Variants in CACNA2D2 observed in about 807,000 individuals in gnomAD.
CACNA2D2 encodes the protein calcium voltage-gated channel auxiliary subunit alpha2delta 2.
In CACNA2D2, 48 loss-of-function variants were observed where a neutral mutation model predicts 166.4. That is an observed-to-expected ratio of 0.29 (90% CI 0.23 to 0.37). The LOEUF (loss-of-function observed/expected upper bound fraction) is 0.37. CACNA2D2 is among the 10% of genes least tolerant of loss of function. CACNA2D2 has a pLI of 1.00. For synonymous variants in CACNA2D2, 561 were observed against 573.7 expected, an observed-to-expected ratio of 0.98 and a Z score of 0.32; for missense variants, 1,122 against 1,433.0, an observed-to-expected ratio of 0.78 and a Z score of 3.50.
At chr3:50,487,294 C>T (rs1468455422) in intron 1 of CACNA2D2, among the ~76,000 whole-genome samples, 1 of 152,212 alleles carries the variant, frequency 6.6e-6, no homozygotes, top group Non-Finnish European at 1.5e-5. Flanking sequence ...CAGGAACTCA[C>T]TGCCTCCACA....
intron 1 of CACNA2D2, among the ~76,000 whole-genome samples, chr3:50,488,952 A>T (rs1296140832): frequency 6.6e-6 from 1 of 152,064 alleles, no homozygotes; most frequent in Non-Finnish European, 1.5e-5. Context: ...CGCCCACCTC[A>T]GCCTCCCAAA....
intron 22 of CACNA2D2, 134 bp from the exon 23 acceptor site, chr3:50,370,514 C>G: frequency 1.5e-6 from 1 of 651,038 alleles, no homozygotes; most frequent in Non-Finnish European, 2.8e-6. Flanking sequence ...AGAGGAAACC[C>G]GCCATTTCCA....
intron 3 of CACNA2D2, among the ~76,000 whole-genome samples, chr3:50,409,658 T>G (rs1042900086): frequency 1.1e-4 from 17 of 152,200 alleles, no homozygotes; most frequent in Non-Finnish European, 2.5e-4. Context: ...AGGTGGTTCC[T>G]CAGCTTATCT....
chr3:50,447,996 T>G (rs1467661373), intron 2 of CACNA2D2, among the ~76,000 whole-genome samples: 1 of 152,184 alleles, frequency 6.6e-6, no homozygotes. Context: ...ACCTGGCCTC[T>G]GGACTACCCG....
intron 3 of CACNA2D2, among the ~76,000 whole-genome samples, chr3:50,415,144 G>A (rs748721524): frequency 2.0e-5 from 3 of 152,162 alleles, no homozygotes; most frequent in Non-Finnish European, 2.9e-5. Flanking sequence ...GGACACTGAC[G>A]GCCAATGAAA....
At chr3:50,469,983 C>T (rs1302954885) in intron 2 of CACNA2D2, among the ~76,000 whole-genome samples, 7 of 152,232 alleles carry the variant, frequency 4.6e-5, no homozygotes, top group African/African-American at 1.7e-4. Flanking sequence ...ATGACTGCAC[C>T]ACCAGCTGGT....
chr3:50,491,369 A>C (rs1002830030), intron 1 of CACNA2D2, among the ~76,000 whole-genome samples: 1 of 152,256 alleles, frequency 6.6e-6, no homozygotes, highest in East Asian at 1.9e-4. Flanking sequence ...GCGGGTTAGG[A>C]GGAGACTGGA....
intron 1 of CACNA2D2, among the ~76,000 whole-genome samples, chr3:50,499,172 A>T (rs903776180): frequency 6.6e-6 from 1 of 152,254 alleles, no homozygotes; most frequent in Non-Finnish European, 1.5e-5. Flanking sequence ...AGAGTGGCAC[A>T]GCCCAGAGCT....
At chr3:50,491,306 G>C (rs1026973558) in intron 1 of CACNA2D2, among the ~76,000 whole-genome samples, 1 of 152,222 alleles carries the variant, frequency 6.6e-6, no homozygotes, top group African/African-American at 2.4e-5. Flanking sequence ...AGGACACTGA[G>C]GCTCGGAGGA....
intron 2 of CACNA2D2, among the ~76,000 whole-genome samples, chr3:50,441,095 G>C (rs1708571541): frequency 6.6e-6 from 1 of 152,058 alleles, no homozygotes; most frequent in Admixed American, 6.5e-5. Context: ...TGAGGGCAAG[G>C]GGAGCAGATA....
At chr3:50,401,762 G>A (rs1350561324) in intron 3 of CACNA2D2, among the ~76,000 whole-genome samples, 1 of 151,890 alleles carries the variant, frequency 6.6e-6, no homozygotes, top group East Asian at 1.9e-4. Context: ...AGGCTGGAGT[G>A]CAGTGGTGCG....
Position 50,364,496 on chromosome 3 carries a change from G to T in CACNA2D2, c.*170C>A. ...GGGTGCCAAACACCTGCGGCGTCCC[G>T]CTTTGGGACTCCCCATCCCAAGGCG... On this transcript the variant is annotated 3_prime_UTR_variant, in exon 38 of 38. Transcript: ENST00000424201. 1 of 781,118 alleles carries T rather than the reference G, an allele frequency of 1.3e-6. No homozygotes were observed. The highest frequency in any genetic ancestry group is 2.0e-6 in the Non-Finnish European group (1 of 507,236). The allele number at this position is 781,118 out of a possible 1,614,324, so 48.4% of individuals were successfully genotyped here. A position where few individuals can be genotyped will look rare whatever the true frequency, so the allele number is the denominator to read the frequency against.
intron 5 of CACNA2D2, 100 bp downstream of exon 5, chr3:50,387,468 G>C (rs777229214): frequency 1.4e-5 from 14 of 997,078 alleles, no homozygotes; most frequent in Admixed American, 1.3e-4. Context: ...GGCTCTGCAG[G>C]GTTGAGCTCA....
At chr3:50,464,439 C>T (rs1709733508) in intron 2 of CACNA2D2, among the ~76,000 whole-genome samples, 1 of 152,176 alleles carries the variant, frequency 6.6e-6, no homozygotes. Flanking sequence ...GGCATGTGTC[C>T]TACCCCAGGA....
intron 3 of CACNA2D2, among the ~76,000 whole-genome samples, chr3:50,423,228 A>C (rs1325563850): frequency 1.3e-5 from 2 of 152,132 alleles, no homozygotes; most frequent in East Asian, 3.9e-4. Context: ...ACCCTGCCTC[A>C]CTGGCTATCT....
chr3:50,501,856 T>C (rs1017163535), intron 1 of CACNA2D2, among the ~76,000 whole-genome samples: 13 of 152,106 alleles, frequency 8.5e-5, no homozygotes, highest in Non-Finnish European at 1.3e-4. Context: ...TGAACTTCCA[T>C]TCGATTCTTT....
Position 50,365,491 on chromosome 3 carries a change from G to A in CACNA2D2, c.2972-9C>T, listed in dbSNP as rs1304811376. On this transcript the variant is annotated splice_polypyrimidine_tract_variant and intron_variant, in intron 34 of 37. Transcript: ENST00000424201. The surrounding 1 kb of genome is among the most constrained non-coding windows in gnomAD (Gnocchi z 4.5). ...CTCGGCCTCCGCGGGGTCTGCGAGG[G>A]CCCAGAGCGCCTCAGCTCCGCCCAC... 3.1e-6 allele frequency: 5 copies of A among 1,612,626 alleles called. No homozygotes were observed. The highest frequency in any genetic ancestry group is 2.7e-5 in the African/African-American group (2 of 74,930).
intron 2 of CACNA2D2, among the ~76,000 whole-genome samples, chr3:50,475,838 C>T (rs1710286175): frequency 6.6e-6 from 1 of 152,140 alleles, no homozygotes; most frequent in Admixed American, 6.5e-5. Context: ...AGACACAGAC[C>T]TCTCCCTCCT....
At chr3:50,455,576 AC>A (rs1182773596) in intron 2 of CACNA2D2, among the ~76,000 whole-genome samples, 1 of 152,222 alleles carries the variant, frequency 6.6e-6, no homozygotes, top group Non-Finnish European at 1.5e-5. Context: ...ACACAGCGTT[AC>A]AAACATCGGG....
Sources: allele counts gnomAD v4.1 joint callset (sites outside exome capture counted in the v4.1 genomes callset), GRCh38; gene constraint gnomAD v4.1.1; non-coding constraint Gnocchi (gnomAD v3.1); transcripts MANE v1.5; gene names NCBI Gene and HGNC (gene_info 2026-07-23, HGNC 2026-07-21).